Variants in CNTN4 observed in about 807,000 individuals in gnomAD.
The protein encoded by CNTN4 is contactin 4.
A neutral mutation model predicts 122.5 loss-of-function variants in CNTN4; 77 were observed. That is an observed-to-expected ratio of 0.63 (90% CI 0.52 to 0.76). CNTN4 has a LOEUF of 0.76. CNTN4 is among the 30% of genes least tolerant of loss of function. The pLI is 0.00. For synonymous variants in CNTN4, 512 were observed against 447.0 expected, an observed-to-expected ratio of 1.15 and a Z score of -1.83; for missense variants, 1,256 against 1,259.1, an observed-to-expected ratio of 1.00 and a Z score of 0.04.
chr3:2,807,277 G>T (rs1196126633), intron 6 of CNTN4, among the ~76,000 whole-genome samples: 1 of 152,170 alleles, frequency 6.6e-6, no homozygotes, highest in Non-Finnish European at 1.5e-5. Flanking sequence ...GTGAAAATGA[G>T]AACAGGGAAA....
chr3:2,533,009 C>T (rs1351479417), intron 3 of CNTN4, among the ~76,000 whole-genome samples: 1 of 151,976 alleles, frequency 6.6e-6, no homozygotes, highest in East Asian at 1.9e-4. Context: ...AGTCACCGCC[C>T]AAATCTCTAG....
At chr3:2,671,784 T>C (rs569406890) in intron 4 of CNTN4, among the ~76,000 whole-genome samples, 2 of 152,336 alleles carry the variant, frequency 1.3e-5, no homozygotes, top group African/African-American at 4.8e-5. Flanking sequence ...TTGGTGTGGA[T>C]GTCCTTTCTG....
chr3:2,968,899 A>G (rs1422925142), intron 13 of CNTN4, among the ~76,000 whole-genome samples: 1 of 152,344 alleles, frequency 6.6e-6, no homozygotes, highest in Non-Finnish European at 1.5e-5. Flanking sequence ...CTGTGTATTC[A>G]TCACCACTCT....
intron 12 of CNTN4, among the ~76,000 whole-genome samples, chr3:2,920,117 T>G (rs1265484150): frequency 6.6e-6 from 1 of 151,778 alleles, no homozygotes; most frequent in East Asian, 1.9e-4. Context: ...GTATTTCTTA[T>G]CCATACCAGC....
intron 3 of CNTN4, among the ~76,000 whole-genome samples, chr3:2,507,714 C>T (rs1285365637): frequency 7.0e-6 from 1 of 143,430 alleles, no homozygotes; most frequent in South Asian, 2.2e-4. Flanking sequence ...CAGTCTGGGC[C>T]ACAGTGAGAG....
At chr3:2,893,531 A>G (rs1251172987) in intron 10 of CNTN4, among the ~76,000 whole-genome samples, 2 of 152,216 alleles carry the variant, frequency 1.3e-5, no homozygotes, top group African/African-American at 4.8e-5. Flanking sequence ...TCTTTCTTTC[A>G]TCTGATAGTT....
At chr3:2,357,228 C>T (rs1006280057) in intron 3 of CNTN4, among the ~76,000 whole-genome samples, 3 of 152,156 alleles carry the variant, frequency 2.0e-5, no homozygotes, top group Admixed American at 6.5e-5. Flanking sequence ...TTTTCATATC[C>T]AGAATCACTG....
intron 4 of CNTN4, among the ~76,000 whole-genome samples, chr3:2,597,592 G>A (rs1294585732): frequency 6.6e-6 from 1 of 152,138 alleles, no homozygotes; most frequent in Non-Finnish European, 1.5e-5. Context: ...GCAGAATTGA[G>A]AATCATCAGC....
intron 3 of CNTN4, among the ~76,000 whole-genome samples, chr3:2,534,750 C>T (rs1384607117): frequency 2.7e-5 from 4 of 148,434 alleles, no homozygotes; most frequent in African/African-American, 1.0e-4. Context: ...GTTCTGTCAC[C>T]TTAGAAGTGG....
chr3:2,199,111 C>T (rs1189110650), intron 2 of CNTN4, among the ~76,000 whole-genome samples: 1 of 152,180 alleles, frequency 6.6e-6, no homozygotes, highest in Non-Finnish European at 1.5e-5. Context: ...GGGAGGAATT[C>T]CCCCTCACTT....
intron 4 of CNTN4, among the ~76,000 whole-genome samples, chr3:2,708,843 T>G (rs2086917862): frequency 6.6e-6 from 1 of 152,140 alleles, no homozygotes; most frequent in African/African-American, 2.4e-5. Flanking sequence ...ACAAATGCAG[T>G]TTTTATGTTG....
intron 2 of CNTN4, among the ~76,000 whole-genome samples, chr3:2,164,274 T>C (rs146494074): frequency 6.6e-6 from 1 of 151,248 alleles, no homozygotes; most frequent in Non-Finnish European, 1.5e-5. Context: ...GTAGAGATAG[T>C]AAATATCAGA....
chr3:2,892,552 C>T (rs2094055446), intron 10 of CNTN4, among the ~76,000 whole-genome samples: 1 of 152,182 alleles, frequency 6.6e-6, no homozygotes, highest in Non-Finnish European at 1.5e-5. Flanking sequence ...GTATTTAATT[C>T]ACTTGGTAAT....
intron 4 of CNTN4, among the ~76,000 whole-genome samples, chr3:2,733,329 A>G (rs2088831088): frequency 6.6e-6 from 1 of 152,182 alleles, no homozygotes; most frequent in African/African-American, 2.4e-5. Context: ...AGTGATCTTG[A>G]CGAATAACAT....
In CNTN4 at chr3:2,394,403, A is replaced by G. The variant is rs904060630; in HGVS notation, c.-89+55170A>G. 1.7e-3 allele frequency among the ~76,000 whole-genome samples: 263 copies of G among 152,304 alleles called. 2 individuals are homozygous for G. The highest frequency in any genetic ancestry group is 5.8e-3 in the African/African-American group (243 of 41,572). On this transcript the variant is annotated intron_variant, in intron 3 of 24. Coordinates refer to ENST00000418658, the MANE Select transcript of CNTN4 (RefSeq NM_175607.3). ...TCTCCTTTTGATCTACTGCTAACCC[A>G]AAGTCTCCTTTATTAACAGTTAATG...
intron 6 of CNTN4, among the ~76,000 whole-genome samples, chr3:2,773,546 G>A (rs946449727): frequency 6.6e-5 from 10 of 152,220 alleles, no homozygotes; most frequent in African/African-American, 2.4e-4. Context: ...AGTAATGCAT[G>A]TAGGATTCTA....
At chr3:2,987,482 G>A (rs1007338508) in intron 13 of CNTN4, among the ~76,000 whole-genome samples, 4 of 152,182 alleles carry the variant, frequency 2.6e-5, no homozygotes, top group South Asian at 2.1e-4. Context: ...GAAGGAGGGC[G>A]TGAAAGGGAT....
intron 6 of CNTN4, among the ~76,000 whole-genome samples, chr3:2,770,137 C>G (rs1307930133): frequency 1.3e-5 from 2 of 151,718 alleles, no homozygotes; most frequent in Non-Finnish European, 2.9e-5. Context: ...TCAAGCAATT[C>G]TACTGCCTCA....
At chr3:2,190,779 G>T (rs777385412) in intron 2 of CNTN4, among the ~76,000 whole-genome samples, 1 of 149,684 alleles carries the variant, frequency 6.7e-6, no homozygotes, top group African/African-American at 2.5e-5. Context: ...GCATACATTG[G>T]TATACAGCTT....
Sources: gnomAD v4.1 joint callset for allele counts (sites outside exome capture counted in the v4.1 genomes callset) on GRCh38, gnomAD v4.1.1 for gene constraint, MANE v1.5 for transcripts, NCBI Gene and HGNC (gene_info 2026-07-23, HGNC 2026-07-21) for gene names.